FOXO3B: variants seen among roughly 807,000 people sequenced by gnomAD.
The protein encoded by FOXO3B is forkhead box protein O3B.
In FOXO3B, 15 loss-of-function variants were observed where a neutral mutation model predicts 21.9. That is an observed-to-expected ratio of 0.68 (90% confidence interval 0.46 to 1.05). The LOEUF is 1.05. FOXO3B is among the 50% of genes least tolerant of loss of function. The probability of loss-of-function intolerance (pLI) is 0.00; values close to 1 mark genes in which losing one functional copy is unlikely to be tolerated. For synonymous variants in FOXO3B, 135 were observed against 213.6 expected, an observed-to-expected ratio of 0.63 and a Z score of 3.21; for missense variants, 293 against 435.5, an observed-to-expected ratio of 0.67 and a Z score of 2.91.
In FOXO3B at chr17:18,671,586, G is replaced by A; in HGVS notation, c.*723C>T. 1 of 1,613,428 alleles carries A rather than the reference G, an allele frequency of 6.2e-7. No individual in the cohort carries two copies. Among genetic ancestry groups the A allele is most frequent in the Non-Finnish European group, 8.5e-7 (1 of 1,179,798 alleles). On this transcript the variant is annotated 3_prime_UTR_variant, in exon 4 of 4. Coordinates refer to ENST00000395675, the MANE Select transcript of FOXO3B (RefSeq NM_001368135.1). ...CTTGTTCTCTTGGATGGTCTGCATG[G>A]GAGACTGGCGTAGGGAGTTCAGAGA...
At chr17:18,682,078 GCTCATGGTCTGC>G in intron 1 of FOXO3B, 114 bp downstream of exon 1, 1 of 623,396 alleles carries the variant, frequency 1.6e-6, no homozygotes, top group South Asian at 1.7e-5. Context: ...AAGGGACAGG[GCTCATGGTCTGC>G]CCTCGAGGCC....
chr17:18,670,992 AG>A lies in FOXO3B; in HGVS notation c.*1316del. 7.5e-7 allele frequency: 1 copy of A among 1,325,616 alleles called. No individual in the cohort carries two copies. Among genetic ancestry groups the A allele is most frequent in the South Asian group, 1.3e-5 (1 of 76,950 alleles). The allele number at this position is 1,325,616 out of a possible 1,614,324, so 82.1% of individuals were successfully genotyped here. On this transcript the variant is annotated 3_prime_UTR_variant, in exon 4 of 4. Transcript: ENST00000395675. The stretch of plus-strand genomic sequence containing the variant: ...ACCAACAACATTCTGTGTGGAGATG[AG>A]GGAATCAAAGTTAAAATCCAACCCA...
intron 3 of FOXO3B, among the ~76,000 whole-genome samples, chr17:18,674,638 A>AG (rs1307659902): frequency 2.3e-5 from 3 of 132,188 alleles, no homozygotes; most frequent in Admixed American, 7.1e-5. Context: ...AAAAAAAAAA[A>AG]AGGGGGGGGG....
Position 18,672,615 on chromosome 17 carries a change from T to A in FOXO3B, c.567A>T (p.Gly189=). ...CTGGCCCAGACCCGGGGTCTTGCCC[T>A]CCGGGTGCCAGCACCCGGACCGAGT... The part of the protein sequence containing the change: ...LEDSVRVLAP[G]GQDPGSGPAT... The change falls in exon 4 of 4, where the codon GGA becomes GGT. Residue 189 remains glycine (G), a synonymous_variant. Transcript: ENST00000395675. This position sits in a 1 kb window ranked among gnomAD's most constrained non-coding sequence, Gnocchi z 4.2. The A allele has an allele frequency of 6.9e-7, 1 of 1,439,478 alleles. No individual in the cohort carries two copies. Among genetic ancestry groups the A allele is most frequent in the South Asian group, 1.5e-5 (1 of 68,098 alleles). 89.2% of individuals were successfully genotyped at this position (1,439,478 alleles called of 1,614,324 possible). A position where few individuals can be genotyped will look rare whatever the true frequency, so the allele number is the denominator to read the frequency against.
At chr17:18,677,650 G>A (rs897242827) in intron 3 of FOXO3B, 158 of 1,608,056 alleles carry the variant, frequency 9.8e-5, no homozygotes, top group Middle Eastern at 2.2e-4. Context: ...GCCCCAGGGG[G>A]CTTGGGAGGG....
At chr17:18,677,432 G>A in intron 3 of FOXO3B, 4 of 1,614,136 alleles carry the variant, frequency 2.5e-6, no homozygotes, top group Non-Finnish European at 1.7e-6. Context: ...ACGTACTGCT[G>A]ACCATCAAGT....
intron 3 of FOXO3B, among the ~76,000 whole-genome samples, chr17:18,674,495 G>C (rs541555130): frequency 1.3e-5 from 2 of 150,228 alleles, no homozygotes; most frequent in Non-Finnish European, 3.0e-5. Flanking sequence ...GTGTGGTGGC[G>C]GGCACCTGTA....
chr17:18,673,195 A>G (rs1439438611), intron 3 of FOXO3B, 140 bp from the exon 4 acceptor site: 8 of 1,202,886 alleles, frequency 6.7e-6, no homozygotes, highest in Non-Finnish European at 8.4e-6. Context: ...ATACTTCTTA[A>G]TAACACTTTT....
intron 3 of FOXO3B, among the ~76,000 whole-genome samples, chr17:18,676,579 C>T (rs1302013864): frequency 6.6e-6 from 1 of 152,180 alleles, no homozygotes; most frequent in African/African-American, 2.4e-5. Flanking sequence ...GTTTTACATA[C>T]ATATGTATAT....
At chr17:18,682,098 G>T in intron 1 of FOXO3B, 106 bp downstream of exon 1, 1 of 630,872 alleles carries the variant, frequency 1.6e-6, no homozygotes, top group Non-Finnish European at 2.9e-6. Flanking sequence ...TGCCCTCGAG[G>T]CCCCTTTAAC....
rs890327326 is a variant in FOXO3B, at chr17:18,672,187, G to A, written c.*122C>T. The A allele has an allele frequency of 6.2e-7, 1 of 1,612,784 alleles. No individual in the cohort carries two copies. Among genetic ancestry groups the A allele is most frequent in the African/African-American group, 1.3e-5 (1 of 74,856 alleles). On this transcript the variant is annotated 3_prime_UTR_variant, in exon 4 of 4. Coordinates refer to ENST00000395675, the MANE Select transcript of FOXO3B (RefSeq NM_001368135.1). The surrounding 1 kb of genome is among the most constrained non-coding windows in gnomAD (Gnocchi z 4.2). ...GTCCATGGAGACAGCCCGCCGCCGG[G>A]GGGCTTTTCCGCTCTTCCCCCCATC...
chr17:18,677,412 G>A, intron 3 of FOXO3B: 6 of 1,614,124 alleles, frequency 3.7e-6, no homozygotes, highest in Non-Finnish European at 5.1e-6. Context: ...GGCTGAGCTG[G>A]GCATCCGACA....
In FOXO3B at chr17:18,672,385, G is replaced by A; in HGVS notation, c.797C>T (p.Ser266Phe). 1 of 1,613,394 alleles carries A rather than the reference G, an allele frequency of 6.2e-7. No individual in the cohort carries two copies. Among genetic ancestry groups the A allele is most frequent in the African/African-American group, 1.3e-5 (1 of 74,948 alleles). Residue 266 changes from serine (S) to phenylalanine (F), a missense_variant, in exon 4 of 4, where the codon TCC becomes TTC. Transcript: ENST00000395675. The surrounding 1 kb of genome is among the most constrained non-coding windows in gnomAD (Gnocchi z 4.2). ...ESSPDRRLTLSQIYEWMVSCV... is the reference protein window; with the variant it reads ...ESSPDRRLTLFQIYEWMVSCV... ...ACTCACCATCCACTCGTAGATCTGG[G>A]ACAGAGTGAGCCGTCTGTCCGGGGA...
Position 18,672,343 on chromosome 17 carries a change from T to G in FOXO3B, c.839A>C (p.Lys280Thr). ...AGAGCTGTTGCTGTTGCCCTTATCC[T>G]TGAAGTAGGGCACGCAACTCACCAT... The part of the protein sequence containing the change: ...EWMVSCVPYF[K>T]DKGNSNSSAG Residue 280 changes from lysine (K) to threonine (T), a missense_variant, in exon 4 of 4, where the codon AAG becomes ACG. Physicochemically the swap from Lys to Thr is moderately conservative, Grantham distance 78. Transcript: ENST00000395675. This position sits in a 1 kb window ranked among gnomAD's most constrained non-coding sequence, Gnocchi z 4.2. 1 of 1,611,730 alleles carries G rather than the reference T, an allele frequency of 6.2e-7. No homozygotes were observed. The highest frequency in any genetic ancestry group is 8.5e-7 in the Non-Finnish European group (1 of 1,178,370).
chr17:18,676,003 C>G (rs543946706), intron 3 of FOXO3B, among the ~76,000 whole-genome samples: 119 of 152,270 alleles, frequency 7.8e-4, no homozygotes, highest in African/African-American at 2.5e-3. Flanking sequence ...TTTCTTCTCA[C>G]TGACTTGCAA....
At chr17:18,677,528 T>C (rs76246586) in intron 3 of FOXO3B, 99,463 of 1,595,044 alleles carry the variant, frequency 0.062, 4,970 homozygotes, top group African/African-American at 0.23. Context: ...AGTATGCGGC[T>C]CGGGCCCGTC....
intron 3 of FOXO3B, chr17:18,677,230 C>G (rs2032504315): frequency 6.4e-7 from 1 of 1,555,306 alleles, no homozygotes; most frequent in African/African-American, 1.4e-5. Flanking sequence ...TATCTATCCT[C>G]TGATAAAACA....
Position 18,671,698 on chromosome 17 carries a change from G to A in FOXO3B, c.*611C>T, listed in dbSNP as rs202160691. 11 of 1,613,486 alleles carry A rather than the reference G, an allele frequency of 6.8e-6. No homozygotes were observed. In the East Asian group the frequency reaches 2.5e-4, roughly 36 times the overall value. On this transcript the variant is annotated 3_prime_UTR_variant, in exon 4 of 4. Transcript: ENST00000395675. ...GTGGTATACGGGAAGCTAGAACTCC[G>A]CTGCATGAGTCCCCCAGTGGGCGAT...
In FOXO3B at chr17:18,680,748, C is replaced by G. The variant is rs1401352228; in HGVS notation, c.119G>C (p.Arg40Thr). ...GEVAALRLTA[R>T]SQAAAAAAAP... The stretch of plus-strand genomic sequence containing the variant: ...ATCAGCAGACTCACTCACCTGGGAT[C>G]TGGCCGTGAGGCGCAGAGCAGCCAC... Residue 40 changes from arginine to threonine, a missense_variant, in exon 3 of 4, where the codon AGA (arginine) becomes ACA (threonine). By Grantham distance (71) the Arg-to-Thr change is moderately conservative. Around this residue, in one of 2 missense-constraint regions of FOXO3B, gnomAD observed 251 missense variants for 404.0 expected, o/e 0.62. Coordinates refer to ENST00000395675, the MANE Select transcript of FOXO3B (RefSeq NM_001368135.1). 1.2e-6 allele frequency: 2 copies of G among 1,614,006 alleles called. No individual in the cohort carries two copies. The highest frequency in any genetic ancestry group is 1.7e-6 in the Non-Finnish European group (2 of 1,179,960).
Sources: gnomAD v4.1 joint callset for allele counts (sites outside exome capture counted in the v4.1 genomes callset) on GRCh38, gnomAD v4.1.1 for gene constraint, gnomAD v4.1.1 regional missense constraint, Gnocchi (gnomAD v3.1) non-coding constraint, MANE v1.5 for transcripts, NCBI Gene and HGNC (gene_info 2026-07-23, HGNC 2026-07-21) for gene names.